THSD4: variants seen among roughly 807,000 people sequenced by gnomAD.
The protein encoded by THSD4 is thrombospondin type 1 domain containing 4.
In THSD4, 69 loss-of-function variants were observed where a neutral mutation model predicts 119.0. The observed-to-expected ratio is 0.58, with a 90% CI of 0.48 to 0.71. The LOEUF (loss-of-function observed/expected upper bound fraction) is 0.71. THSD4 is among the 30% of genes least tolerant of loss of function. The pLI, the probability that THSD4 is intolerant of heterozygous loss-of-function variation, is 0.00. For missense variants in THSD4, 1,393 were observed against 1,391.1 expected (o/e 1.00, Z -0.02); for synonymous variants, 524 against 540.4 (o/e 0.97, Z 0.42).
intron 6 of THSD4, among the ~76,000 whole-genome samples, chr15:71,276,940 G>A (rs931361020): frequency 7.9e-5 from 12 of 152,082 alleles, no homozygotes; most frequent in Non-Finnish European, 1.6e-4. Flanking sequence ...TCTCTCATTG[G>A]GGGCAGTGTA....
At chr15:71,529,520 ACAG>A (rs1333907746) in intron 7 of THSD4, among the ~76,000 whole-genome samples, 1 of 152,182 alleles carries the variant, frequency 6.6e-6, no homozygotes, top group Middle Eastern at 3.2e-3. Flanking sequence ...TTTTTACCTA[ACAG>A]TCTCAATTGA....
At chr15:71,738,903 C>T (rs1437621553) in intron 11 of THSD4, among the ~76,000 whole-genome samples, 1 of 152,138 alleles carries the variant, frequency 6.6e-6, no homozygotes, top group Non-Finnish European at 1.5e-5. Flanking sequence ...TAGAGGTTCT[C>T]TCTCAGGAGC....
intron 8 of THSD4, among the ~76,000 whole-genome samples, chr15:71,717,394 A>T (rs2052630017): frequency 6.6e-6 from 1 of 152,190 alleles, no homozygotes; most frequent in African/African-American, 2.4e-5. Context: ...TGTAAATTAC[A>T]TGTCTGTATC....
chr15:71,756,897 T>C (rs1413964498), intron 14 of THSD4, among the ~76,000 whole-genome samples: 9 of 152,246 alleles, frequency 5.9e-5, no homozygotes, highest in Admixed American at 5.9e-4. Flanking sequence ...TCAGGAATGT[T>C]TTCACTGTAT....
chr15:71,673,903 C>T (rs2051585289), intron 8 of THSD4, among the ~76,000 whole-genome samples: 1 of 152,078 alleles, frequency 6.6e-6, no homozygotes, highest in Admixed American at 6.5e-5. Context: ...ACTACAGGCG[C>T]CCACCACCAC....
chr15:71,632,862 T>C (rs1358177263), intron 7 of THSD4, among the ~76,000 whole-genome samples: 3 of 152,176 alleles, frequency 2.0e-5, no homozygotes, highest in Non-Finnish European at 4.4e-5. Context: ...AGGCTGACGA[T>C]AAAGGCTAAT....
At chr15:71,608,162 G>A (rs556083239) in intron 7 of THSD4, among the ~76,000 whole-genome samples, 1 of 150,460 alleles carries the variant, frequency 6.6e-6, no homozygotes, top group East Asian at 2.0e-4. Context: ...GGCGGTGGTT[G>A]CGGTGAGCTG....
At chr15:71,740,578 C>G (rs2053215281) in intron 11 of THSD4, among the ~76,000 whole-genome samples, 1 of 152,160 alleles carries the variant, frequency 6.6e-6, no homozygotes, top group African/African-American at 2.4e-5. Context: ...TGCTGGTTCC[C>G]TGTGTCTCCT....
intron 1 of THSD4, among the ~76,000 whole-genome samples, chr15:71,124,668 A>T (rs941327883): frequency 6.6e-6 from 1 of 152,202 alleles, no homozygotes; most frequent in East Asian, 1.9e-4. Flanking sequence ...TGAATTAAAA[A>T]TTTTAAATCA....
At chr15:71,501,506 A>G (rs545759704) in intron 7 of THSD4, among the ~76,000 whole-genome samples, 84 of 152,266 alleles carry the variant, frequency 5.5e-4, no homozygotes, top group African/African-American at 1.9e-3. Context: ...GTATTTTCCA[A>G]TTCTGCCAAC....
At chr15:71,163,309 ATGT>A (rs1176511739) in intron 3 of THSD4, among the ~76,000 whole-genome samples, 1 of 151,808 alleles carries the variant, frequency 6.6e-6, no homozygotes, top group East Asian at 1.9e-4. Flanking sequence ...CAGGACTCAG[ATGT>A]TCAGTATTCC....
intron 17 of THSD4, among the ~76,000 whole-genome samples, chr15:71,772,960 G>T (rs2053847597): frequency 2.6e-5 from 4 of 152,138 alleles, no homozygotes. Flanking sequence ...TGTAATTCCA[G>T]CACTTTGGGA....
At chr15:71,687,537 C>T (rs754637597) in intron 8 of THSD4, among the ~76,000 whole-genome samples, 11 of 152,102 alleles carry the variant, frequency 7.2e-5, no homozygotes, top group Non-Finnish European at 1.0e-4. Context: ...GAGTGGATCA[C>T]CTGAGCCAGG....
rs1196248586 is a variant in THSD4 at position 71,633,471 on chromosome 15, T to C, written c.1153-27059T>C. On this transcript the variant is annotated intron_variant, in intron 7 of 17. Coordinates refer to ENST00000261862, the MANE Select transcript of THSD4 (RefSeq NM_024817.3). Reference sequence around the variant, plus strand: ...TGTATTTTTCGTAGAGATGGAGTTTTGCCATGTTGCTTGGGCTGGTCTCGA... The same window carrying C: ...TGTATTTTTCGTAGAGATGGAGTTTCGCCATGTTGCTTGGGCTGGTCTCGA... 2.0e-5 allele frequency among the ~76,000 whole-genome samples: 3 copies of C among 152,060 alleles called. No individual in the cohort carries two copies. The East Asian group carries it at 5.8e-4, about 29-fold the overall frequency.
chr15:71,757,546 T>G (rs977973783), intron 14 of THSD4, among the ~76,000 whole-genome samples: 6 of 152,178 alleles, frequency 3.9e-5, no homozygotes, highest in Non-Finnish European at 7.3e-5. Flanking sequence ...TCCTCCCACT[T>G]CAGCCTCCCA....
At chr15:71,437,018 G>A (rs1335756732) in intron 7 of THSD4, among the ~76,000 whole-genome samples, 1 of 152,188 alleles carries the variant, frequency 6.6e-6, no homozygotes, top group Non-Finnish European at 1.5e-5. Context: ...AAGAAAAGAG[G>A]TTTATTTGGC....
At chr15:71,408,463 G>A (rs1430738191) in intron 6 of THSD4, among the ~76,000 whole-genome samples, 2 of 152,072 alleles carry the variant, frequency 1.3e-5, no homozygotes, top group African/African-American at 4.8e-5. Context: ...GGACTCCCGG[G>A]CTCAAGCAAT....
intron 7 of THSD4, among the ~76,000 whole-genome samples, chr15:71,585,801 A>C (rs1234876201): frequency 6.6e-6 from 1 of 151,984 alleles, no homozygotes; most frequent in Non-Finnish European, 1.5e-5. Flanking sequence ...TGTGCCTCTT[A>C]ACTAGATAAT....
At chr15:71,243,170 A>G (rs2044169961) in intron 5 of THSD4, 74 bp downstream of exon 5, 2 of 1,455,266 alleles carry the variant, frequency 1.4e-6, no homozygotes, top group Admixed American at 2.1e-5. Flanking sequence ...ACTAAGCATG[A>G]TGAAGACAGC....
Sources: gnomAD v4.1 joint callset for allele counts (sites outside exome capture counted in the v4.1 genomes callset) on GRCh38, gnomAD v4.1.1 for gene constraint, MANE v1.5 for transcripts, NCBI Gene and HGNC (gene_info 2026-07-23, HGNC 2026-07-21) for gene names.